The following ACACA variants were observed in gnomAD, a reference collection of about 807,000 sequenced individuals.
ACACA encodes the protein acetyl-CoA carboxylase 1.
ACACA carries 103 observed loss-of-function variants against 296.1 expected under a neutral mutation model. The observed-to-expected ratio is 0.35, with a 90% confidence interval of 0.30 to 0.41. ACACA has a LOEUF of 0.41. Ranked by LOEUF, ACACA falls within the 10% of genes least tolerant of loss-of-function variation. The pLI is 1.00. For synonymous variants in ACACA, 953 were observed against 1,038.6 expected (o/e 0.92, Z 1.58); for missense variants, 1,554 against 2,989.7 (o/e 0.52, Z 11.20).
chr17:37,096,949 G>T, intron 54 of ACACA, 47 bp downstream of exon 54: 1 of 1,609,308 alleles, frequency 6.2e-7, no homozygotes, highest in Non-Finnish European at 8.5e-7. Context: ...CCCTCAGGTG[G>T]TGTGAGGAAC....
intron 33 of ACACA, among the ~76,000 whole-genome samples, chr17:37,204,853 CAG>C (rs1354182866): frequency 6.6e-6 from 1 of 152,172 alleles, no homozygotes; most frequent in Non-Finnish European, 1.5e-5. Context: ...TTCTGAAGGT[CAG>C]AGAGAATCAC....
chr17:37,118,883 AGCGC>A (rs2074385301), intron 50 of ACACA, among the ~76,000 whole-genome samples: 1 of 152,346 alleles, frequency 6.6e-6, no homozygotes, highest in East Asian at 1.9e-4. Flanking sequence ...TTACTGTTAC[AGCGC>A]GGCAGCCAAT....
At chr17:37,134,844 G>A (rs2143614250) in intron 45 of ACACA, among the ~76,000 whole-genome samples, 2 of 152,192 alleles carry the variant, frequency 1.3e-5, no homozygotes, top group South Asian at 4.2e-4. Context: ...TGTCATCACT[G>A]GACTTCATCC....
rs748364574 is a variant in ACACA, at chr17:37,129,482, C to T, written c.5827G>A (p.Val1943Met). 27 of 1,613,788 alleles carry T rather than the reference C, an allele frequency of 1.7e-5. No individual in the cohort carries two copies. Among genetic ancestry groups the T allele is most frequent in the South Asian group, 5.5e-5 (5 of 91,052 alleles). The change falls in exon 47 of 56, where the codon GTG becomes ATG. Residue 1943 changes from valine (V) to methionine (M), a missense_variant. By Grantham distance (21) the Val-to-Met change is conservative. Coordinates refer to ENST00000616317, the MANE Select transcript of ACACA (RefSeq NM_198834.3). ...LHWLSYMPKS[V>M]HSSVPLLNSK... ...TTCAGAAGAGGAACTGAACTGTGCACGCTCTAAAAGGAGATTGGAAGAGAG... is the reference window on the plus strand; with the variant it reads ...TTCAGAAGAGGAACTGAACTGTGCATGCTCTAAAAGGAGATTGGAAGAGAG...
In ACACA at chr17:37,270,836, A is replaced by C; in HGVS notation, c.1034T>G (p.Val345Gly). ...LQAAEEVGYPVMIKASEGGGG... is the reference protein window; with the variant it reads ...LQAAEEVGYPGMIKASEGGGG... ...TCCTCCCTCTGAGGCCTTGATCATTACTGGATATCCAACTTCCTCAGCTGC... is the reference window on the plus strand; with the variant it reads ...TCCTCCCTCTGAGGCCTTGATCATTCCTGGATATCCAACTTCCTCAGCTGC... Residue 345 changes from valine to glycine, a missense_variant, in exon 10 of 56, where the codon GTA becomes GGA. By Grantham distance (109) the Val-to-Gly change is moderately radical. Transcript: ENST00000616317. The C allele has an allele frequency of 6.2e-7, 1 of 1,613,770 alleles. No individual in the cohort carries two copies. The highest frequency in any genetic ancestry group is 1.1e-5 in the South Asian group (1 of 91,040).
rs1555672373 is a variant in ACACA, at chr17:37,390,330, A to ATATCTATATATCTATATATC, written c.38+15931_38+15932insGATATATAGATATATAGATA. On this transcript the variant is annotated intron_variant, in intron 1 of 55. Transcript: ENST00000616317. ...TATATATATATATATATATATATATATATAAAAGGCCAGCTGGGCCGGGCA... is the reference window on the plus strand; with the variant it reads ...TATATATATATATATATATATATATATATCTATATATCTATATATCTATAAAAGGCCAGCTGGGCCGGGCA... 5.1e-3 allele frequency among the ~76,000 whole-genome samples: 211 copies of ATATCTATATATCTATATATC among 41,580 alleles called. 18 individuals are homozygous for ATATCTATATATCTATATATC. The highest frequency in any genetic ancestry group is 0.016 in the East Asian group (10 of 612). 27.3% of individuals were successfully genotyped at this position (41,580 alleles called of 152,430 possible). A position where few individuals can be genotyped will look rare whatever the true frequency, so the allele number is the denominator to read the frequency against.
intron 27 of ACACA, among the ~76,000 whole-genome samples, chr17:37,224,709 A>T (rs1301557446): frequency 1.3e-5 from 2 of 151,976 alleles, no homozygotes; most frequent in Non-Finnish European, 2.9e-5. Context: ...TCTGGCCTAG[A>T]ATACTTTCTA....
At chr17:37,103,890 A>C (rs1282142213) in intron 52 of ACACA, among the ~76,000 whole-genome samples, 2 of 152,120 alleles carry the variant, frequency 1.3e-5, no homozygotes, top group Admixed American at 6.5e-5. Context: ...ATGCCCCCCA[A>C]AATTAGCCAG....
chr17:37,376,026 C>A, intron 1 of ACACA: 1 of 1,375,918 alleles, frequency 7.3e-7, no homozygotes, highest in Non-Finnish European at 1.0e-6. Context: ...CAACTAGAGG[C>A]AGAGCTATCA....
chr17:37,283,205 A>T, intron 5 of ACACA, 62 bp downstream of exon 5: 1 of 1,598,390 alleles, frequency 6.3e-7, no homozygotes, highest in Non-Finnish European at 8.6e-7. Context: ...CTCCTACTTA[A>T]AGGCTGTGCT....
chr17:37,328,432 A>T (rs183222080), intron 3 of ACACA, among the ~76,000 whole-genome samples: 2 of 152,218 alleles, frequency 1.3e-5, no homozygotes, highest in East Asian at 1.9e-4. Flanking sequence ...TTAATTTTTT[A>T]AAATAAAATA....
intron 25 of ACACA, among the ~76,000 whole-genome samples, chr17:37,234,464 T>C (rs983487014): frequency 6.6e-6 from 1 of 152,142 alleles, no homozygotes; most frequent in African/African-American, 2.4e-5. Flanking sequence ...TTACTACCAA[T>C]ACAATAATCC....
intron 1 of ACACA, chr17:37,379,120 G>T: frequency 1.2e-6 from 2 of 1,605,470 alleles, no homozygotes; most frequent in South Asian, 1.1e-5. Context: ...TTTTCTATCT[G>T]GTTCTTCTCC....
At chr17:37,193,292 A>C in intron 36 of ACACA, 82 bp downstream of exon 36, 1 of 1,035,802 alleles carries the variant, frequency 9.7e-7, no homozygotes, top group Non-Finnish European at 1.5e-6. Context: ...GGCAAGAAGA[A>C]CGTATGGCAA....
intron 3 of ACACA, among the ~76,000 whole-genome samples, chr17:37,303,943 C>T (rs1194548615): frequency 4.6e-5 from 7 of 152,214 alleles, no homozygotes; most frequent in Non-Finnish European, 8.8e-5. Flanking sequence ...TCCAATTTTT[C>T]TGCATTCTCA....
At chr17:37,157,994 A>T (rs1182633544) in intron 42 of ACACA, among the ~76,000 whole-genome samples, 3 of 152,150 alleles carry the variant, frequency 2.0e-5, no homozygotes, top group Non-Finnish European at 4.4e-5. Context: ...TGTTAGAAGT[A>T]CTCAGATTCT....
chr17:37,178,038 G>C (rs564765357), intron 41 of ACACA, among the ~76,000 whole-genome samples: 2 of 152,256 alleles, frequency 1.3e-5, no homozygotes, highest in South Asian at 4.2e-4. Context: ...CCTATTTGTG[G>C]TGAAAACACA....
intron 43 of ACACA, among the ~76,000 whole-genome samples, chr17:37,153,381 T>C (rs1254026872): frequency 2.0e-5 from 3 of 152,214 alleles, no homozygotes; most frequent in African/African-American, 7.2e-5. Flanking sequence ...AGAGAAGCAC[T>C]ATTATATGTG....
At chr17:37,188,138 A>T in intron 39 of ACACA, 139 bp downstream of exon 39, 1 of 872,114 alleles carries the variant, frequency 1.1e-6, no homozygotes, top group Non-Finnish European at 1.9e-6. Flanking sequence ...TCAAATTCAT[A>T]CAATCATTTA....
Sources: gnomAD v4.1 joint callset for allele counts (sites outside exome capture counted in the v4.1 genomes callset) on GRCh38, gnomAD v4.1.1 for gene constraint, MANE v1.5 for transcripts, NCBI Gene and HGNC (gene_info 2026-07-23, HGNC 2026-07-21) for gene names.